Variants in RNASE10 observed in about 807,000 individuals in gnomAD.
RNASE10 encodes the protein inactive ribonuclease-like protein 10.
In RNASE10, 2 loss-of-function variants were observed where a neutral mutation model predicts 1.1. That is an observed-to-expected ratio of 1.82 (90% CI 0.74 to 5.73). The LOEUF is 5.73. Ranked by LOEUF, RNASE10 falls within the 30% of genes most tolerant of loss-of-function variation. The probability of loss-of-function intolerance (pLI) is 0.05; values close to 1 mark genes in which losing one functional copy is unlikely to be tolerated. For missense variants in RNASE10, 276 were observed against 263.4 expected, an observed-to-expected ratio of 1.05 and a Z score of -0.33; for synonymous variants, 97 against 96.2, an observed-to-expected ratio of 1.01 and a Z score of -0.05.
chr14:20,506,650 A>T (rs529333258), intron 1 of RNASE10, among the ~76,000 whole-genome samples: 6 of 49,382 alleles, frequency 1.2e-4, no homozygotes, highest in Middle Eastern at 0.026. Flanking sequence ...CCAGCCGCCC[A>T]GTCCAGGAGG....
exon 2 of RNASE10, chr14:20,510,807 T>G: frequency 6.2e-7 from 1 of 1,614,158 alleles, no homozygotes; most frequent in Non-Finnish European, 8.5e-7. Context: ...ATCTTAGGCT[T>G]GACCAGACAG....
chr14:20,504,953 C>A (rs1882652414), upstream of RNASE10, among the ~76,000 whole-genome samples: 1 of 152,068 alleles, frequency 6.6e-6, no homozygotes, highest in Non-Finnish European at 1.5e-5. Context: ...GGCTCCAAAG[C>A]TCAAGCAGCG....
chr14:20,505,379 T>C (rs1426566627), upstream of RNASE10, among the ~76,000 whole-genome samples: 1 of 83,496 alleles, frequency 1.2e-5, no homozygotes, highest in Non-Finnish European at 2.2e-5. Flanking sequence ...AGCTGGACGG[T>C]ACTGCTGCCA....
chr14:20,511,217 T>C, downstream of RNASE10: 1 of 1,040,538 alleles, frequency 9.6e-7, no homozygotes, highest in Non-Finnish European at 1.3e-6. Context: ...TTAGGTATCA[T>C]GCAGATGGAA....
intron 1 of RNASE10, among the ~76,000 whole-genome samples, chr14:20,508,120 A>G (rs1418343241): frequency 6.6e-6 from 1 of 152,072 alleles, no homozygotes; most frequent in African/African-American, 2.4e-5. Context: ...CCATATATCT[A>G]TATTCCGAAG....
downstream of RNASE10, among the ~76,000 whole-genome samples, chr14:20,512,883 G>A (rs1882931475): frequency 6.6e-6 from 1 of 152,220 alleles, no homozygotes; most frequent in African/African-American, 2.4e-5. Flanking sequence ...CTAAGGTAAG[G>A]GGGAAAAAAT....
chr14:20,512,016 A>C (rs1176023737), downstream of RNASE10, among the ~76,000 whole-genome samples: 1 of 152,062 alleles, frequency 6.6e-6, no homozygotes, highest in Admixed American at 6.6e-5. Context: ...ACAGGGAGTT[A>C]GAGGGGGGTG....
At chr14:20,510,336 G>A in intron 1 of RNASE10, 131 bp from the exon 2 acceptor site, 1 of 1,357,936 alleles carries the variant, frequency 7.4e-7, no homozygotes, top group East Asian at 2.3e-5. Context: ...GCCTTGAAGA[G>A]GGTAGAGTAA....
chr14:20,510,967 T>C (rs774615191), exon 2 of RNASE10: 1 of 1,605,360 alleles, frequency 6.2e-7, no homozygotes, highest in Non-Finnish European at 8.5e-7. Context: ...GGGGGGAAAA[T>C]GTCACAAAAG....
chr14:20,511,031 C>A, exon 2 of RNASE10: 1 of 1,556,642 alleles, frequency 6.4e-7, no homozygotes, highest in South Asian at 1.2e-5. Context: ...GACCAGGTCA[C>A]TCCTAACTGC....
At chr14:20,508,059 A>AT (rs1225898520) in intron 1 of RNASE10, among the ~76,000 whole-genome samples, 5 of 151,918 alleles carry the variant, frequency 3.3e-5, no homozygotes, top group Middle Eastern at 3.2e-3. Flanking sequence ...CCCCCTATTT[A>AT]TTTTTTATCA....
intron 1 of RNASE10, among the ~76,000 whole-genome samples, chr14:20,506,675 G>C: frequency 9.2e-6 from 1 of 108,374 alleles, no homozygotes; most frequent in Non-Finnish European, 1.9e-5. Flanking sequence ...TGGGGGGTCA[G>C]CCCCCCGCCC....
exon 2 of RNASE10, chr14:20,510,657 C>A (rs373458337): frequency 2.5e-6 from 4 of 1,614,156 alleles, no homozygotes; most frequent in Non-Finnish European, 3.4e-6. Flanking sequence ...GAGACGGCAC[C>A]CAAACCACAG....
intron 1 of RNASE10, among the ~76,000 whole-genome samples, chr14:20,506,220 T>G (rs1426474941): frequency 4.9e-5 from 6 of 123,224 alleles, no homozygotes; most frequent in Non-Finnish European, 8.6e-5. Context: ...AGCCGCCCCG[T>G]CCGGGAGGTG....
intron 1 of RNASE10, among the ~76,000 whole-genome samples, chr14:20,508,671 G>A (rs1882814012): frequency 6.6e-6 from 1 of 152,072 alleles, no homozygotes; most frequent in Non-Finnish European, 1.5e-5. Context: ...AATAAGGAAA[G>A]GGGGGAAAAA....
At chr14:20,513,865 G>C (rs1440669672), downstream of RNASE10, among the ~76,000 whole-genome samples, 1 of 152,202 alleles carries the variant, frequency 6.6e-6, no homozygotes, top group Non-Finnish European at 1.5e-5. Flanking sequence ...TAATTAATTT[G>C]AGTATACTGG....
exon 2 of RNASE10, chr14:20,510,996 G>T (rs777019138): frequency 1.3e-6 from 2 of 1,599,208 alleles, no homozygotes; most frequent in Non-Finnish European, 1.7e-6. Flanking sequence ...CTTTTGATTT[G>T]ACATTGTGCG....
chr14:20,506,237 T>G (rs369315724), intron 1 of RNASE10, among the ~76,000 whole-genome samples: 10 of 76,846 alleles, frequency 1.3e-4, no homozygotes, highest in East Asian at 3.9e-4. Flanking sequence ...GGTGAGGGGC[T>G]CCTCTGCCCG....
intron 1 of RNASE10, among the ~76,000 whole-genome samples, chr14:20,506,263 A>G (rs1882711595): frequency 8.4e-6 from 1 of 119,614 alleles, no homozygotes; most frequent in Non-Finnish European, 1.7e-5. Flanking sequence ...CCCTACTGGG[A>G]AGTGAGGAGC....
Sources: gnomAD v4.1 joint callset for allele counts (sites outside exome capture counted in the v4.1 genomes callset) on GRCh38, gnomAD v4.1.1 for gene constraint, MANE v1.5 for transcripts, NCBI Gene and HGNC (gene_info 2026-07-23, HGNC 2026-07-21) for gene names.